Variants in INPP5A observed in about 807,000 individuals in gnomAD.
INPP5A encodes the protein 43 kDa inositol polyphosphate 5-phophatase.
A neutral mutation model predicts 65.2 loss-of-function variants in INPP5A; 14 were observed. The observed-to-expected ratio is 0.21, with a 90% CI of 0.14 to 0.34. The LOEUF (loss-of-function observed/expected upper bound fraction) is 0.34. Ranked by LOEUF, INPP5A falls within the 10% of genes least tolerant of loss-of-function variation. INPP5A has a pLI of 1.00. For synonymous variants in INPP5A, 207 were observed against 208.3 expected (o/e 0.99, Z 0.05); for missense variants, 431 against 545.6 (o/e 0.79, Z 2.09).
At chr10:132,708,783 T>C (rs771270959) in intron 7 of INPP5A, among the ~76,000 whole-genome samples, 2 of 152,098 alleles carry the variant, frequency 1.3e-5, no homozygotes, top group Non-Finnish European at 2.9e-5. Flanking sequence ...GGAGCCTGCG[T>C]CTCATCCACA....
At chr10:132,755,591 C>T (rs1242170415) in intron 11 of INPP5A, among the ~76,000 whole-genome samples, 2 of 145,516 alleles carry the variant, frequency 1.4e-5, no homozygotes, top group African/African-American at 2.6e-5. Context: ...TGTGTGTGAG[C>T]AGGCATATGC....
chr10:132,570,279 G>A (rs989387273), intron 1 of INPP5A, among the ~76,000 whole-genome samples: 1 of 152,208 alleles, frequency 6.6e-6, no homozygotes, highest in African/African-American at 2.4e-5. Flanking sequence ...CGTTTGCCTT[G>A]AGCTGTGAGC....
intron 9 of INPP5A, among the ~76,000 whole-genome samples, chr10:132,745,899 G>A (rs1487022681): frequency 6.6e-6 from 1 of 152,198 alleles, no homozygotes; most frequent in Non-Finnish European, 1.5e-5. Context: ...GGCCCCCGAG[G>A]AGGAGTGTGT....
Position 132,555,775 on chromosome 10 carries a change from G to C in INPP5A, c.75+17604G>C, listed in dbSNP as rs757113519. Among the ~76,000 whole-genome samples the C allele has an allele frequency of 3.9e-5, 6 of 152,202 alleles. No homozygotes were observed. Among genetic ancestry groups the C allele is most frequent in the Non-Finnish European group, 5.9e-5 (4 of 68,028 alleles). Reference sequence around the variant, plus strand: ...GACACACCTTGTCACACTCTGCAGGGTGTTTTGTTGCCCTCAGCACGTGTG... The same window carrying C: ...GACACACCTTGTCACACTCTGCAGGCTGTTTTGTTGCCCTCAGCACGTGTG... On this transcript the variant is annotated intron_variant, in intron 1 of 15. Transcript: ENST00000368594. The surrounding 1 kb of genome is among the most constrained non-coding windows in gnomAD (Gnocchi z 4.4).
intron 13 of INPP5A, among the ~76,000 whole-genome samples, chr10:132,779,895 G>A (rs868660519): frequency 2.0e-5 from 3 of 152,186 alleles, no homozygotes; most frequent in East Asian, 3.8e-4. Flanking sequence ...GAGGTGTGCC[G>A]CACGCTGCCT....
intron 1 of INPP5A, among the ~76,000 whole-genome samples, chr10:132,607,461 G>A (rs1220582861): frequency 2.0e-5 from 3 of 152,364 alleles, no homozygotes; most frequent in South Asian, 4.1e-4. Context: ...CGACCATGAT[G>A]TTTTGTACTC....
chr10:132,740,025 C>A (rs1421439971), intron 9 of INPP5A, among the ~76,000 whole-genome samples: 3 of 152,202 alleles, frequency 2.0e-5, no homozygotes, highest in Non-Finnish European at 4.4e-5. Flanking sequence ...ACAGGACTTG[C>A]ACGTTGGGGC....
At chr10:132,777,640 C>T (rs1330261095) in intron 12 of INPP5A, 31 bp from the exon 13 acceptor site, 4 of 1,601,034 alleles carry the variant, frequency 2.5e-6, no homozygotes, top group African/African-American at 2.7e-5. Context: ...CCGAGCCGGC[C>T]GGCTGACCCT....
At chr10:132,558,309 C>A (rs190734616) in intron 1 of INPP5A, among the ~76,000 whole-genome samples, 20 of 152,344 alleles carry the variant, frequency 1.3e-4, no homozygotes, top group Admixed American at 2.6e-4. Context: ...GGCTCTCCCC[C>A]CCGGCCCACG....
intron 6 of INPP5A, among the ~76,000 whole-genome samples, chr10:132,699,091 G>A (rs1845393306): frequency 6.6e-6 from 1 of 152,222 alleles, no homozygotes; most frequent in Non-Finnish European, 1.5e-5. Context: ...GAAAGGACAT[G>A]CAAGAAAGCT....
intron 12 of INPP5A, among the ~76,000 whole-genome samples, chr10:132,776,469 A>T (rs538110119): frequency 5.3e-5 from 8 of 152,250 alleles, no homozygotes; most frequent in African/African-American, 1.9e-4. Context: ...GCCGGGATGG[A>T]CCCGAAACCC....
chr10:132,731,669 G>T (rs1846088766), intron 9 of INPP5A, among the ~76,000 whole-genome samples: 1 of 152,206 alleles, frequency 6.6e-6, no homozygotes, highest in South Asian at 2.1e-4. Flanking sequence ...TGGGAGTGGG[G>T]GCTCTCCAGC....
chr10:132,702,089 T>C (rs1845447211), intron 6 of INPP5A, among the ~76,000 whole-genome samples: 1 of 152,260 alleles, frequency 6.6e-6, no homozygotes, highest in African/African-American at 2.4e-5. Flanking sequence ...GCTTCATTTG[T>C]TCCTGCTGTA....
intron 4 of INPP5A, among the ~76,000 whole-genome samples, chr10:132,653,196 G>A (rs2072602156): frequency 6.6e-6 from 1 of 152,240 alleles, no homozygotes; most frequent in Non-Finnish European, 1.5e-5. Context: ...CCGTCATGCT[G>A]TAGTTCTGTT....
chr10:132,684,426 T>C (rs1020117203), intron 4 of INPP5A, among the ~76,000 whole-genome samples: 15 of 151,664 alleles, frequency 9.9e-5, no homozygotes. Flanking sequence ...ATATGTATGT[T>C]TGTCTATAGT....
chr10:132,746,677 A>C (rs1419926549), intron 9 of INPP5A, among the ~76,000 whole-genome samples: 2 of 152,184 alleles, frequency 1.3e-5, no homozygotes, highest in African/African-American at 4.8e-5. Context: ...ATAAGACGGC[A>C]CACCGGACCA....
chr10:132,693,191 A>G (rs746394046), intron 5 of INPP5A, among the ~76,000 whole-genome samples: 2 of 152,244 alleles, frequency 1.3e-5, no homozygotes, highest in African/African-American at 4.8e-5. Context: ...GAGAGGAGAG[A>G]TAATGGAATC....
intron 2 of INPP5A, among the ~76,000 whole-genome samples, chr10:132,631,219 C>T (rs920112270): frequency 4.6e-5 from 7 of 152,224 alleles, no homozygotes; most frequent in Non-Finnish European, 7.3e-5. Flanking sequence ...CCTGCCCACA[C>T]AGCTGCTCCG....
At chr10:132,606,559 T>C (rs2071855432) in intron 1 of INPP5A, among the ~76,000 whole-genome samples, 1 of 152,256 alleles carries the variant, frequency 6.6e-6, no homozygotes, top group Non-Finnish European at 1.5e-5. Context: ...AAGCTCTTGT[T>C]TCTTGTCAGG....
Sources: allele counts gnomAD v4.1 joint callset (sites outside exome capture counted in the v4.1 genomes callset), GRCh38; gene constraint gnomAD v4.1.1; non-coding constraint Gnocchi (gnomAD v3.1); transcripts MANE v1.5; gene names NCBI Gene and HGNC (gene_info 2026-07-23, HGNC 2026-07-21).